SAMD5: variants seen among roughly 807,000 people sequenced by gnomAD.
SAMD5 encodes the protein sterile alpha motif domain-containing protein 5.
In SAMD5, 13 loss-of-function variants were observed where a neutral mutation model predicts 11.3. That is an observed-to-expected ratio of 1.15 (90% CI 0.75 to 1.83). The LOEUF (loss-of-function observed/expected upper bound fraction) is 1.83. Among genes scored for constraint, SAMD5 ranks in the 40% most tolerant of loss-of-function variants. The pLI is 0.00. For missense variants in SAMD5, 255 were observed against 239.1 expected (o/e 1.07, Z -0.44); for synonymous variants, 129 against 111.3 (o/e 1.16, Z -1.00).
downstream of SAMD5, among the ~76,000 whole-genome samples, chr6:147,573,654 A>C (rs1416842804): frequency 2.0e-5 from 3 of 152,214 alleles, no homozygotes; most frequent in African/African-American, 4.8e-5. Context: ...GCCCCATCAG[A>C]GGGTTTCTGG....
downstream of SAMD5, among the ~76,000 whole-genome samples, chr6:147,738,393 C>CTAAGCAAGCACATAATCAGA (rs1162847538): frequency 1.2e-4 from 18 of 152,256 alleles, no homozygotes; most frequent in East Asian, 2.1e-3. Flanking sequence ...TCTGGAATTT[C>CTAAGCAAGCACATAATCAGA]TAAGCAAGCA....
intron 1 of SAMD5, among the ~76,000 whole-genome samples, chr6:147,560,836 C>A (rs990614106): frequency 6.6e-6 from 1 of 152,100 alleles, no homozygotes. Context: ...GGAGAACTGC[C>A]TAGCCTCTGA....
At chr6:147,792,103 G>A in the SAMD5 span, among the ~76,000 whole-genome samples, 7 of 152,108 alleles carry the variant, frequency 4.6e-5, no homozygotes, top group Non-Finnish European at 1.0e-4. Flanking sequence ...ATCTCAGGGT[G>A]GAATGCAGAA....
chr6:147,581,489 G>A (rs1789297116), intron 1 of SAMD5, among the ~76,000 whole-genome samples: 1 of 152,124 alleles, frequency 6.6e-6, no homozygotes, highest in South Asian at 2.1e-4. Context: ...CATAGCCAGA[G>A]CACCAACATT....
chr6:147,913,206 T>G, the SAMD5 span, among the ~76,000 whole-genome samples: 2 of 151,902 alleles, frequency 1.3e-5, no homozygotes, highest in Middle Eastern at 6.8e-3. Flanking sequence ...CCACAATCAG[T>G]GCAAAAAAAA....
At chr6:147,743,044 A>C in the SAMD5 span, 1 of 152,216 alleles carries the variant, frequency 6.6e-6, no homozygotes, top group Non-Finnish European at 1.5e-5. Context: ...AAAGAACACC[A>C]TATATTCCAT....
At chr6:147,622,015 T>C (rs1160654765) in intron 1 of SAMD5, among the ~76,000 whole-genome samples, 4 of 151,012 alleles carry the variant, frequency 2.6e-5, no homozygotes, top group Non-Finnish European at 4.4e-5. Context: ...TGCCAGTAGA[T>C]GAAGAGAGAA....
the SAMD5 span, among the ~76,000 whole-genome samples, chr6:147,784,073 C>A: frequency 6.6e-6 from 1 of 152,154 alleles, no homozygotes; most frequent in African/African-American, 2.4e-5. Flanking sequence ...GCTTTCATTT[C>A]TTTTGCCTCG....
chr6:147,829,360 A>T, the SAMD5 span, among the ~76,000 whole-genome samples: 1 of 152,166 alleles, frequency 6.6e-6, no homozygotes, highest in Non-Finnish European at 1.5e-5. Flanking sequence ...TCTACAGCTA[A>T]GTTAGAGCAG....
At chr6:147,814,335 G>A in the SAMD5 span, among the ~76,000 whole-genome samples, 5 of 152,138 alleles carry the variant, frequency 3.3e-5, no homozygotes, top group South Asian at 2.1e-4. Context: ...AAATGCAATC[G>A]ATGTTTCCCT....
chr6:147,778,415 C>T, the SAMD5 span, among the ~76,000 whole-genome samples: 1 of 152,158 alleles, frequency 6.6e-6, no homozygotes, highest in Non-Finnish European at 1.5e-5. Context: ...GCACCTCAAC[C>T]TTAAAATGTC....
At chr6:147,831,984 A>T in the SAMD5 span, among the ~76,000 whole-genome samples, 2 of 149,318 alleles carry the variant, frequency 1.3e-5, no homozygotes, top group Non-Finnish European at 3.0e-5. Context: ...TCAAGAAGTT[A>T]TTTTTTTTTT....
intron 1 of SAMD5, among the ~76,000 whole-genome samples, chr6:147,514,608 G>A (rs975407297): frequency 6.6e-5 from 10 of 152,014 alleles, no homozygotes; most frequent in South Asian, 2.1e-4. Flanking sequence ...GGTTGTGGCA[G>A]ATGTGAAGGG....
intron 1 of SAMD5, among the ~76,000 whole-genome samples, chr6:147,608,037 T>C (rs1480095422): frequency 1.3e-5 from 2 of 152,130 alleles, no homozygotes; most frequent in African/African-American, 4.8e-5. Flanking sequence ...CATAAAAAGG[T>C]GCTTAACATC....
chr6:147,658,747 A>C (rs1790605136), intron 1 of SAMD5, among the ~76,000 whole-genome samples: 1 of 152,098 alleles, frequency 6.6e-6, no homozygotes, highest in African/African-American at 2.4e-5. Flanking sequence ...TGGGCTAAAC[A>C]TGAATGGGGA....
At chr6:147,791,597 T>G in the SAMD5 span, among the ~76,000 whole-genome samples, 4 of 152,212 alleles carry the variant, frequency 2.6e-5, no homozygotes, top group Admixed American at 2.6e-4. Context: ...ATGTTATTAT[T>G]GCCTATTTTA....
intron 1 of SAMD5, among the ~76,000 whole-genome samples, chr6:147,631,686 G>A (rs1328920795): frequency 6.6e-6 from 1 of 152,188 alleles, no homozygotes; most frequent in East Asian, 1.9e-4. Context: ...CCCAGTGAAA[G>A]TGTCTACCCA....
chr6:147,594,545 G>A (rs903046440), intron 1 of SAMD5, among the ~76,000 whole-genome samples: 2 of 152,132 alleles, frequency 1.3e-5, no homozygotes, highest in African/African-American at 4.8e-5. Context: ...GCAAATTGCT[G>A]TTTCCACTTT....
In SAMD5 at chr6:147,650,628, G is replaced by C. The variant is rs189428585; in HGVS notation, c.163-86689G>C. Among the ~76,000 whole-genome samples, 113 of 152,336 alleles carry C rather than the reference G, an allele frequency of 7.4e-4. 1 individual carries two copies. The highest frequency in any genetic ancestry group is 2.4e-3 in the African/African-American group (101 of 41,578). Reference sequence around the variant, plus strand: ...AGGTGTTACTCGTGGAAAAGATTGAGGTGTATCTGATGTGATTAAGGAGGT... The same window carrying C: ...AGGTGTTACTCGTGGAAAAGATTGACGTGTATCTGATGTGATTAAGGAGGT... On this transcript the variant is annotated intron_variant, in intron 1 of 1. Coordinates refer to the SAMD5 transcript ENST00000566741.
Sources: gnomAD v4.1 joint callset for allele counts (sites outside exome capture counted in the v4.1 genomes callset) on GRCh38, gnomAD v4.1.1 for gene constraint, MANE v1.5 for transcripts, NCBI Gene and HGNC (gene_info 2026-07-23, HGNC 2026-07-21) for gene names.